ANKRD13C: variants seen among roughly 807,000 people sequenced by gnomAD.
ANKRD13C encodes ankyrin repeat domain-containing protein 13C.
Under a neutral mutation model 65.5 loss-of-function variants are expected in ANKRD13C, and 16 were observed. The ratio of observed to expected loss-of-function variants is 0.24; its 90% CI spans 0.17 to 0.37. The LOEUF (loss-of-function observed/expected upper bound fraction) is 0.37. Among genes scored for constraint, ANKRD13C ranks in the 10% least tolerant of loss-of-function variants. The pLI, the probability that ANKRD13C is intolerant of heterozygous loss-of-function variation, is 1.00. For missense variants in ANKRD13C, 503 were observed against 655.9 expected, an observed-to-expected ratio of 0.77 and a Z score of 2.55; for synonymous variants, 235 against 238.7, an observed-to-expected ratio of 0.98 and a Z score of 0.14.
chr1:70,345,259 G>A (rs1232246704), intron 1 of ANKRD13C, among the ~76,000 whole-genome samples: 1 of 151,846 alleles, frequency 6.6e-6, no homozygotes, highest in Non-Finnish European at 1.5e-5. Context: ...GAGAAACCCC[G>A]TCTCTACTAA....
intron 5 of ANKRD13C, among the ~76,000 whole-genome samples, chr1:70,308,971 A>C (rs1419235589): frequency 2.0e-5 from 3 of 152,074 alleles, no homozygotes; most frequent in Non-Finnish European, 4.4e-5. Context: ...TAATTCACTA[A>C]ACAGAAAATA....
At chr1:70,334,721 T>G (rs1390355563) in intron 2 of ANKRD13C, among the ~76,000 whole-genome samples, 2 of 151,916 alleles carry the variant, frequency 1.3e-5, no homozygotes, top group Non-Finnish European at 2.9e-5. Context: ...GGTCGGGGGT[T>G]CGAGATCGGC....
intron 1 of ANKRD13C, among the ~76,000 whole-genome samples, chr1:70,343,822 G>A (rs1398059986): frequency 6.6e-6 from 1 of 152,164 alleles, no homozygotes; most frequent in Non-Finnish European, 1.5e-5. Context: ...ACAGGCATGA[G>A]CCACCGCACC....
chr1:70,295,262 T>G (rs1680030943), intron 8 of ANKRD13C, among the ~76,000 whole-genome samples: 1 of 152,078 alleles, frequency 6.6e-6, no homozygotes, highest in Non-Finnish European at 1.5e-5. Context: ...TTTATTTATT[T>G]TTTTTGAGAC....
chr1:70,343,733 A>G (rs1354204107), intron 1 of ANKRD13C, among the ~76,000 whole-genome samples: 1 of 152,158 alleles, frequency 6.6e-6, no homozygotes, highest in African/African-American at 2.4e-5. Flanking sequence ...GAGTTTAGCA[A>G]AACTATGTTG....
At chr1:70,351,923 T>G (rs1320272139) in intron 1 of ANKRD13C, among the ~76,000 whole-genome samples, 1 of 152,184 alleles carries the variant, frequency 6.6e-6, no homozygotes, top group Non-Finnish European at 1.5e-5. Flanking sequence ...GAGATGAGCA[T>G]GTACACATTG....
chr1:70,294,294 A>G (rs111803525), intron 8 of ANKRD13C, among the ~76,000 whole-genome samples: 5 of 152,294 alleles, frequency 3.3e-5, no homozygotes, highest in South Asian at 2.1e-4. Flanking sequence ...CTGCAAGGGG[A>G]TGTGGGACTG....
intron 3 of ANKRD13C, among the ~76,000 whole-genome samples, chr1:70,319,607 C>CAAAAAAAA (rs1180827448): frequency 4.1e-5 from 5 of 121,168 alleles, no homozygotes; most frequent in South Asian, 2.7e-4. Flanking sequence ...AACTCCATCT[C>CAAAAAAAA]AAAAAAAAAA....
intron 5 of ANKRD13C, among the ~76,000 whole-genome samples, chr1:70,311,000 A>G (rs559169453): frequency 1.1e-4 from 17 of 152,376 alleles, no homozygotes; most frequent in African/African-American, 4.1e-4. Flanking sequence ...ATAATCATTA[A>G]TAGAGACAAA....
At chr1:70,328,246 A>T (rs1216225509) in intron 2 of ANKRD13C, among the ~76,000 whole-genome samples, 2 of 152,192 alleles carry the variant, frequency 1.3e-5, no homozygotes, top group African/African-American at 2.4e-5. Flanking sequence ...GAATTAAATA[A>T]ATCAAAAAAA....
rs898508915 is a variant in ANKRD13C at position 70,309,728 on chromosome 1, A to T, written c.710-3438T>A. On this transcript the variant is annotated intron_variant, in intron 5 of 12. Transcript: ENST00000370944. Reference sequence around the variant, plus strand: ...CAGACTCCGTCGCAAAAAAAAAAAAAAAAAAATAATAATAATAATAATATA... The same window carrying T: ...CAGACTCCGTCGCAAAAAAAAAAAATAAAAAATAATAATAATAATAATATA... Among the ~76,000 whole-genome samples the T allele has an allele frequency of 4.1e-5, 6 of 145,160 alleles. No homozygotes were observed. The East Asian group carries it at 6.2e-4, about 15-fold the overall frequency.
At chr1:70,321,841 T>A (rs1282109952) in intron 3 of ANKRD13C, among the ~76,000 whole-genome samples, 1 of 152,166 alleles carries the variant, frequency 6.6e-6, no homozygotes, top group African/African-American at 2.4e-5. Context: ...TGTTTTGTGG[T>A]ACAAGAATGT....
intron 7 of ANKRD13C, among the ~76,000 whole-genome samples, chr1:70,299,333 C>T (rs1037418700): frequency 2.0e-5 from 3 of 152,080 alleles, no homozygotes; most frequent in Non-Finnish European, 4.4e-5. Context: ...GGAACCATGC[C>T]GTGCTAAGGA....
chr1:70,342,293 A>G (rs142160194), intron 1 of ANKRD13C, among the ~76,000 whole-genome samples: 75 of 152,288 alleles, frequency 4.9e-4, no homozygotes, highest in African/African-American at 1.7e-3. Context: ...TAATCCCAGC[A>G]CTTTAGGAGG....
Position 70,285,187 on chromosome 1 carries a change from CTT to C in ANKRD13C, c.1215+7199_1215+7200del, listed in dbSNP as rs60703728. 6.4e-3 allele frequency among the ~76,000 whole-genome samples: 674 copies of C among 105,108 alleles called. 1 individual carries two copies. The highest frequency in any genetic ancestry group is 0.024 in the African/African-American group (581 of 23,760). The allele number at this position is 105,108 out of a possible 152,430, so 69.0% of individuals were successfully genotyped here. On this transcript the variant is annotated intron_variant, in intron 9 of 12. Coordinates refer to ENST00000370944, the MANE Select transcript of ANKRD13C (RefSeq NM_030816.5). ...AATTTTCAATACTGATTTATAATGT[CTT>C]TTTTTTTTTTTTTTTTTTTTTGAGA...
chr1:70,336,086 TA>T lies in ANKRD13C; in HGVS notation c.443del (p.Leu148TyrfsTer5). The T allele has an allele frequency of 1.3e-6, 1 of 793,500 alleles. No individual in the cohort carries two copies. Among genetic ancestry groups the T allele is most frequent in the East Asian group, 4.4e-5 (1 of 22,488 alleles). 49.2% of individuals were successfully genotyped at this position (793,500 alleles called of 1,614,324 possible). On this transcript the variant is annotated frameshift_variant, in exon 2 of 13. Coordinates refer to ENST00000370944, the MANE Select transcript of ANKRD13C (RefSeq NM_030816.5). LOFTEE classifies it high-confidence loss of function. ...GQKDNHGNTP[L>X]HLAVMLGNKE... ...TATTTCCTAACATCACAGCAAGGTG[TA>T]AAGGAGTATTTCCTAAAAAAAATAA...
At chr1:70,276,260 T>C (rs903645540) in intron 10 of ANKRD13C, among the ~76,000 whole-genome samples, 7 of 152,112 alleles carry the variant, frequency 4.6e-5, no homozygotes, top group Non-Finnish European at 8.8e-5. Flanking sequence ...CTGTTAGTAA[T>C]ATTACATCAG....
intron 9 of ANKRD13C, among the ~76,000 whole-genome samples, chr1:70,287,930 G>T (rs1358957690): frequency 6.6e-6 from 1 of 152,150 alleles, no homozygotes; most frequent in Non-Finnish European, 1.5e-5. Context: ...TGAGTGGGAG[G>T]ATTATTTGAG....
chr1:70,334,469 A>G (rs1267047489), intron 2 of ANKRD13C, among the ~76,000 whole-genome samples: 2 of 152,014 alleles, frequency 1.3e-5, no homozygotes, highest in Non-Finnish European at 2.9e-5. Context: ...TCTACATAAA[A>G]TGAAAAAATT....
Sources: allele counts gnomAD v4.1 joint callset (sites outside exome capture counted in the v4.1 genomes callset), GRCh38; gene constraint gnomAD v4.1.1; transcripts MANE v1.5; gene names NCBI Gene and HGNC (gene_info 2026-07-23, HGNC 2026-07-21).